The following UGT2B11 variants were observed in gnomAD, a reference collection of about 807,000 sequenced individuals.
UGT2B11 encodes UDP glucuronosyltransferase family 2 member B11.
In UGT2B11, 49 loss-of-function variants were observed where a neutral mutation model predicts 51.7. That is an observed-to-expected ratio of 0.95 (90% CI 0.75 to 1.20). The LOEUF is 1.20. Among genes scored for constraint, UGT2B11 ranks in the 50% most tolerant of loss-of-function variants. The probability of loss-of-function intolerance (pLI) is 0.00; values close to 1 mark genes in which losing one functional copy is unlikely to be tolerated. For missense variants in UGT2B11, 810 were observed against 622.1 expected (o/e 1.30, Z -3.21); for synonymous variants, 273 against 209.0 (o/e 1.31, Z -2.64).
chr4:69,222,306 G>T, the UGT2B11 span, among the ~76,000 whole-genome samples: 5 of 152,250 alleles, frequency 3.3e-5, no homozygotes, highest in African/African-American at 9.6e-5. Context: ...GAGTTAAGGA[G>T]CTGTGCTTTC....
chr4:69,201,747 T>C (rs1244434256), intron 5 of UGT2B11, among the ~76,000 whole-genome samples: 1 of 151,824 alleles, frequency 6.6e-6, no homozygotes, highest in East Asian at 2.0e-4. Flanking sequence ...CTATTTTCTG[T>C]CCTTATTTTC....
intron 5 of UGT2B11, among the ~76,000 whole-genome samples, chr4:69,201,670 T>G (rs1384151779): frequency 6.6e-6 from 1 of 151,826 alleles, no homozygotes; most frequent in African/African-American, 2.4e-5. Flanking sequence ...TGTCCCTTTT[T>G]GTGGCTCTAA....
chr4:69,212,025 C>G (rs927950067), intron 2 of UGT2B11, among the ~76,000 whole-genome samples: 2 of 151,490 alleles, frequency 1.3e-5, no homozygotes, highest in African/African-American at 4.8e-5. Context: ...CCCCTTCATT[C>G]TTTTACCTAT....
At chr4:69,219,669 C>G (rs184873033), upstream of UGT2B11, among the ~76,000 whole-genome samples, 84 of 152,228 alleles carry the variant, frequency 5.5e-4, no homozygotes, top group African/African-American at 2.0e-3. Flanking sequence ...GGCAAGAAGA[C>G]TTGTGTAGGG....
At chr4:69,215,591 T>C (rs1445033638), upstream of UGT2B11, 3 of 152,066 alleles carry the variant, frequency 2.0e-5, no homozygotes, top group Admixed American at 6.6e-5. Context: ...AACATTGATG[T>C]GCATGAATTC....
chr4:69,224,024 G>T, the UGT2B11 span, among the ~76,000 whole-genome samples: 4 of 152,244 alleles, frequency 2.6e-5, no homozygotes, highest in African/African-American at 9.6e-5. Flanking sequence ...TTGATGTGGG[G>T]AACCATACAC....
chr4:69,213,358 A>G (rs913997828), intron 1 of UGT2B11, among the ~76,000 whole-genome samples: 2 of 151,834 alleles, frequency 1.3e-5, no homozygotes, highest in African/African-American at 2.4e-5. Flanking sequence ...ATAAAGAGAC[A>G]TGGTTTCAAT....
At chr4:69,208,782 C>A (rs1433903448) in intron 2 of UGT2B11, among the ~76,000 whole-genome samples, 1 of 151,450 alleles carries the variant, frequency 6.6e-6, no homozygotes, top group Admixed American at 6.6e-5. Flanking sequence ...AAAAAATATA[C>A]CCAGACCCTT....
chr4:69,205,139 T>C (rs1560537024), intron 4 of UGT2B11, among the ~76,000 whole-genome samples: 1 of 151,620 alleles, frequency 6.6e-6, no homozygotes, highest in Non-Finnish European at 1.5e-5. Context: ...AGAAGAGCTA[T>C]TATATTTACT....
In UGT2B11 at chr4:69,214,581, GA is replaced by G. The variant is rs2109956542; in HGVS notation, c.141del (p.Gln48ArgfsTer6). 6.2e-7 allele frequency: 1 copy of G among 1,613,244 alleles called. No homozygotes were observed. Among genetic ancestry groups the G allele is most frequent in the Admixed American group, 1.7e-5 (1 of 59,924 alleles). ...MNMKTILKELVQRGHEVTVLA... is the reference protein window; with the variant it reads ...MNMKTILKELXQRGHEVTVLA... ...AGTACAGTCACCTCATGACCTCTCT[GA>G]ACAAGCTCTTTCAGGATTGTCTTCA... On this transcript the variant is annotated frameshift_variant, in exon 1 of 6. Coordinates refer to ENST00000446444, the MANE Select transcript of UGT2B11 (RefSeq NM_001073.3). LOFTEE classifies it high-confidence loss of function.
the UGT2B11 span, among the ~76,000 whole-genome samples, chr4:69,221,603 T>C: frequency 2.6e-5 from 4 of 152,252 alleles, no homozygotes; most frequent in Non-Finnish European, 5.9e-5. Context: ...TTTCAGGCAT[T>C]ACAAGAAAGG....
chr4:69,200,877 T>C (rs1721632436), intron 5 of UGT2B11, among the ~76,000 whole-genome samples, 158 bp from the exon 6 acceptor site: 1 of 151,832 alleles, frequency 6.6e-6, no homozygotes, highest in African/African-American at 2.4e-5. Context: ...TCATAGATAG[T>C]TTGGCTTTTA....
chr4:69,220,499 G>A, the UGT2B11 span, among the ~76,000 whole-genome samples: 3 of 3,078 alleles, frequency 9.7e-4, no homozygotes, highest in Non-Finnish European at 2.3e-3. Flanking sequence ...CTCACACTGT[G>A]CTAACAGAGT....
chr4:69,224,456 C>CT, the UGT2B11 span, among the ~76,000 whole-genome samples: 7 of 152,092 alleles, frequency 4.6e-5, no homozygotes, highest in Non-Finnish European at 7.4e-5. Flanking sequence ...GTTAGAGAGC[C>CT]TTTTTCCAGA....
At chr4:69,224,649 C>T in the UGT2B11 span, among the ~76,000 whole-genome samples, 1 of 151,824 alleles carries the variant, frequency 6.6e-6, no homozygotes, top group Admixed American at 6.6e-5. Flanking sequence ...CTGGCTGGTT[C>T]ACCAAAAATG....
At chr4:69,201,264 C>T (rs1184331777) in intron 5 of UGT2B11, 1 of 151,904 alleles carries the variant, frequency 6.6e-6, no homozygotes, top group Non-Finnish European at 1.5e-5. Flanking sequence ...CTGTAAGTTC[C>T]TAAAAAGGAA....
the UGT2B11 span, among the ~76,000 whole-genome samples, chr4:69,223,168 G>C: frequency 5.1e-4 from 77 of 152,246 alleles, no homozygotes; most frequent in African/African-American, 1.9e-3. Flanking sequence ...ATTTTGTAAG[G>C]AATACTGTGG....
chr4:69,214,457 A>G lies in UGT2B11; in HGVS notation c.266T>C (p.Ile89Thr). The G allele has an allele frequency of 1.9e-6, 3 of 1,613,190 alleles. No homozygotes were observed. The highest frequency in any genetic ancestry group is 2.5e-6 in the Non-Finnish European group (3 of 1,179,546). Reference sequence around the variant, plus strand: ...CCATCTCTTAACCTGTTGCATGATGATATTCTCAAATTCAGTTTTAGTTAA... The same window carrying G: ...CCATCTCTTAACCTGTTGCATGATGGTATTCTCAAATTCAGTTTTAGTTAA... The part of the protein sequence containing the change: ...TSLTKTEFEN[I>T]IMQQVKRWSD... Residue 89 changes from isoleucine to threonine, a missense_variant, in exon 1 of 6, where the codon ATC (isoleucine) becomes ACC (threonine). Ile to Thr is a moderately conservative substitution (Grantham distance 89, BLOSUM62 -1). Coordinates refer to ENST00000446444, the MANE Select transcript of UGT2B11 (RefSeq NM_001073.3).
At chr4:69,216,554 C>A (rs1012180742), upstream of UGT2B11, 15 of 151,284 alleles carry the variant, frequency 9.9e-5, no homozygotes, top group African/African-American at 3.4e-4. Context: ...ATTTCATCGG[C>A]CACACCAGCA....
Sources: allele counts gnomAD v4.1 joint callset (sites outside exome capture counted in the v4.1 genomes callset), GRCh38; gene constraint gnomAD v4.1.1; transcripts MANE v1.5; gene names NCBI Gene and HGNC (gene_info 2026-07-23, HGNC 2026-07-21).